The following LRRFIP1 variants were observed in gnomAD, a reference collection of about 807,000 sequenced individuals.
LRRFIP1 encodes LRR binding FLII interacting protein 1.
In LRRFIP1, 62 loss-of-function variants were observed where a neutral mutation model predicts 104.4. The ratio of observed to expected loss-of-function variants is 0.59; its 90% CI spans 0.48 to 0.73. The LOEUF is 0.73. LRRFIP1 is among the 30% of genes least tolerant of loss of function. The pLI, the probability that LRRFIP1 is intolerant of heterozygous loss-of-function variation, is 0.00. For synonymous variants in LRRFIP1, 300 were observed against 299.0 expected (o/e 1.00, Z -0.03); for missense variants, 796 against 824.5 (o/e 0.97, Z 0.42).
intron 22 of LRRFIP1, among the ~76,000 whole-genome samples, chr2:237,773,503 A>C (rs2060825412): frequency 1.3e-5 from 2 of 152,172 alleles, no homozygotes; most frequent in South Asian, 4.1e-4. Context: ...ACGCCACTGC[A>C]CTCCAGCCTG....
At chr2:237,628,278 T>C (rs2081876818) in intron 1 of LRRFIP1, among the ~76,000 whole-genome samples, 1 of 152,254 alleles carries the variant, frequency 6.6e-6, no homozygotes, top group Admixed American at 6.5e-5. Flanking sequence ...ACTGTGATTT[T>C]TCTTTCAGGA....
rs545873924 is a variant in LRRFIP1, at chr2:237,645,451, T to C, written c.96+17711T>C. Among the ~76,000 whole-genome samples, 8 of 148,810 alleles carry C rather than the reference T, an allele frequency of 5.4e-5. No individual in the cohort carries two copies. In the East Asian group the frequency reaches 5.8e-4, roughly 11 times the overall value. ...TGCTGGGGACATGGACTCCGACACC[T>C]TCCTACCCCTCACCGTTCCCCTCTC... On this transcript the variant is annotated intron_variant, in intron 1 of 23. Transcript: ENST00000308482.
intron 11 of LRRFIP1, among the ~76,000 whole-genome samples, chr2:237,744,123 A>G (rs1409593822): frequency 1.3e-5 from 2 of 152,348 alleles, no homozygotes; most frequent in African/African-American, 4.8e-5. Context: ...TACAAACACC[A>G]GAGTTCAAAG....
intron 19 of LRRFIP1, chr2:237,762,606 G>A: frequency 6.3e-7 from 1 of 1,597,344 alleles, no homozygotes. Flanking sequence ...CTTTTAGGAA[G>A]AGCCAGTGAA....
chr2:237,724,913 G>A (rs1428377984), intron 7 of LRRFIP1, among the ~76,000 whole-genome samples: 1 of 151,960 alleles, frequency 6.6e-6, no homozygotes, highest in East Asian at 1.9e-4. Context: ...CATCTCTAAT[G>A]CCCTTTACAT....
At chr2:237,763,138 A>T in intron 19 of LRRFIP1, 1 of 1,614,216 alleles carries the variant, frequency 6.2e-7, no homozygotes, top group Non-Finnish European at 8.5e-7. Context: ...TAGAGAAAGA[A>T]TTCACCAACC....
intron 23 of LRRFIP1, among the ~76,000 whole-genome samples, chr2:237,775,933 T>TTTTA (rs1021136903): frequency 7.2e-5 from 11 of 152,010 alleles, no homozygotes; most frequent in Admixed American, 2.6e-4. Flanking sequence ...CTCCTCTTTA[T>TTTTA]TTTATTTATT....
chr2:237,676,765 A>T (rs2091212305), intron 1 of LRRFIP1, among the ~76,000 whole-genome samples: 1 of 152,164 alleles, frequency 6.6e-6, no homozygotes, highest in South Asian at 2.1e-4. Flanking sequence ...AGCCTCCCAA[A>T]GTGCTGGGAT....
At chr2:237,665,641 G>A (rs567522932) in intron 1 of LRRFIP1, among the ~76,000 whole-genome samples, 2 of 152,248 alleles carry the variant, frequency 1.3e-5, no homozygotes, top group East Asian at 3.9e-4. Flanking sequence ...TATGAAAACC[G>A]GACACTATGT....
At chr2:237,647,603 G>A (rs56861463) in intron 1 of LRRFIP1, among the ~76,000 whole-genome samples, 13 of 151,684 alleles carry the variant, frequency 8.6e-5, no homozygotes, top group Non-Finnish European at 1.6e-4. Flanking sequence ...CATGCAGGGC[G>A]GAGGGATAAG....
At chr2:237,631,911 C>G (rs1248133691) in intron 1 of LRRFIP1, among the ~76,000 whole-genome samples, 1 of 152,250 alleles carries the variant, frequency 6.6e-6, no homozygotes, top group African/African-American at 2.4e-5. Flanking sequence ...GGCCCTCCCC[C>G]CATAACTGTT....
intron 1 of LRRFIP1, among the ~76,000 whole-genome samples, chr2:237,706,414 C>G (rs2093811894): frequency 1.3e-5 from 2 of 152,160 alleles, no homozygotes; most frequent in Non-Finnish European, 2.9e-5. Flanking sequence ...CCCCCAACCC[C>G]CAAGCTGGTG....
In LRRFIP1 at chr2:237,735,702, C is replaced by T; in HGVS notation, c.555+369C>T. The T allele has an allele frequency of 5.0e-6, 1 of 200,722 alleles. No individual in the cohort carries two copies. The highest frequency in any genetic ancestry group is 1.0e-5 in the Non-Finnish European group (1 of 98,936). 12.4% of individuals were successfully genotyped at this position (200,722 alleles called of 1,614,324 possible). A position where few individuals can be genotyped will look rare whatever the true frequency, so the allele number is the denominator to read the frequency against. On this transcript the variant is annotated intron_variant, in intron 10 of 23. Transcript: ENST00000308482. This position sits in a 1 kb window ranked among gnomAD's most constrained non-coding sequence, Gnocchi z 4.6. ...TCCCTGGATAGTTGAGGAAGAGGAA[C>T]AAATTTTAAAACTTGGAATGTTACG... is the stretch of plus-strand genomic sequence containing the variant.
rs2058306973 is a variant in LRRFIP1 at position 237,749,464 on chromosome 2, G to T, written c.795+140G>T. The T allele has an allele frequency of 3.0e-6, 3 of 1,014,472 alleles. No homozygotes were observed. The Admixed American group carries it at 7.5e-5, about 25-fold the overall frequency. 62.8% of individuals were successfully genotyped at this position (1,014,472 alleles called of 1,614,324 possible). On this transcript the variant is annotated intron_variant, in intron 13 of 23. Transcript: ENST00000308482. ...TCTCCCTCACCTCCCCTAAAATACGGTGTTCTCCTAACATCAAGACCCAGC... is the reference window on the plus strand; with the variant it reads ...TCTCCCTCACCTCCCCTAAAATACGTTGTTCTCCTAACATCAAGACCCAGC...
intron 10 of LRRFIP1, 77 bp from the exon 11 acceptor site, chr2:237,739,155 C>G: frequency 1.5e-6 from 2 of 1,315,344 alleles, no homozygotes; most frequent in Non-Finnish European, 2.1e-6. Flanking sequence ...TTCTGTCGGC[C>G]TCTATTCTCC....
At chr2:237,756,858 G>A (rs2059324513) in intron 16 of LRRFIP1, among the ~76,000 whole-genome samples, 2 of 152,114 alleles carry the variant, frequency 1.3e-5, no homozygotes, top group African/African-American at 4.8e-5. Flanking sequence ...GAGACCTTGA[G>A]AGAAGGGATT....
intron 3 of LRRFIP1, among the ~76,000 whole-genome samples, chr2:237,716,077 T>C (rs1289304224): frequency 6.6e-6 from 1 of 152,246 alleles, no homozygotes; most frequent in Non-Finnish European, 1.5e-5. Flanking sequence ...CAGATTCTTT[T>C]GGAATTTAAA....
intron 12 of LRRFIP1, among the ~76,000 whole-genome samples, chr2:237,748,705 A>G (rs560854455): frequency 3.3e-5 from 5 of 152,330 alleles, no homozygotes; most frequent in Admixed American, 6.5e-5. Flanking sequence ...ACAGTTTACT[A>G]TAAGCCCATG....
chr2:237,760,352 T>C, intron 19 of LRRFIP1, 147 bp downstream of exon 19: 1 of 952,866 alleles, frequency 1.0e-6, no homozygotes, highest in Non-Finnish European at 1.5e-6. Context: ...GGTAATTTCC[T>C]TGCCCACCCG....
Sources: gnomAD v4.1 joint callset for allele counts (sites outside exome capture counted in the v4.1 genomes callset) on GRCh38, gnomAD v4.1.1 for gene constraint, Gnocchi (gnomAD v3.1) non-coding constraint, MANE v1.5 for transcripts, NCBI Gene and HGNC (gene_info 2026-07-23, HGNC 2026-07-21) for gene names.